The following LRMDA variants were observed in gnomAD, a reference collection of about 807,000 sequenced individuals.
LRMDA encodes the protein leucine rich melanocyte differentiation associated, also known as leucine-rich melanocyte differentiation-associated protein.
In LRMDA, 18 loss-of-function variants were observed where a neutral mutation model predicts 29.8. That is an observed-to-expected ratio of 0.60 (90% CI 0.42 to 0.90). The LOEUF (loss-of-function observed/expected upper bound fraction) is 0.90, where lower values mean the gene tolerates loss of function less well. LRMDA is among the 40% of genes least tolerant of loss of function. The probability of loss-of-function intolerance (pLI) is 0.00; values close to 1 mark genes in which losing one functional copy is unlikely to be tolerated. For synonymous variants in LRMDA, 125 were observed against 109.4 expected, an observed-to-expected ratio of 1.14 and a Z score of -0.89; for missense variants, 273 against 273.9, an observed-to-expected ratio of 1.00 and a Z score of 0.02.
intron 5 of LRMDA, among the ~76,000 whole-genome samples, chr10:76,314,109 C>T (rs996545178): frequency 2.0e-5 from 3 of 152,114 alleles, no homozygotes; most frequent in South Asian, 4.1e-4. Flanking sequence ...AAGGAATATA[C>T]TAATACCACA....
chr10:75,987,495 C>T (rs754344902), intron 2 of LRMDA, among the ~76,000 whole-genome samples: 3 of 152,172 alleles, frequency 2.0e-5, no homozygotes, highest in Non-Finnish European at 2.9e-5. Flanking sequence ...TAGTGTAAAC[C>T]ACCAGTTTAA....
chr10:76,061,650 A>C (rs1325014275), intron 5 of LRMDA, among the ~76,000 whole-genome samples: 1 of 152,186 alleles, frequency 6.6e-6, no homozygotes, highest in East Asian at 1.9e-4. Flanking sequence ...GAAATCACCT[A>C]GTCTGTGCTC....
At chr10:76,342,369 T>C (rs771585414) in intron 6 of LRMDA, among the ~76,000 whole-genome samples, 1 of 152,086 alleles carries the variant, frequency 6.6e-6, no homozygotes, top group Non-Finnish European at 1.5e-5. Context: ...AATGTATAGA[T>C]AGATTTAAGA....
chr10:75,700,510 A>T (rs1015185678), intron 2 of LRMDA, among the ~76,000 whole-genome samples: 2 of 147,852 alleles, frequency 1.4e-5, no homozygotes, highest in Admixed American at 1.4e-4. Flanking sequence ...ATCTTGGCTC[A>T]CTGCAAGCTC....
intron 2 of LRMDA, among the ~76,000 whole-genome samples, chr10:75,717,419 G>T (rs1300568285): frequency 6.6e-6 from 1 of 152,224 alleles, no homozygotes; most frequent in African/African-American, 2.4e-5. Context: ...GCAACAGAAG[G>T]CTTGAGCACA....
Position 76,186,486 on chromosome 10 carries a change from C to A in LRMDA, c.516+127703C>A, listed in dbSNP as rs150179358. Among the ~76,000 whole-genome samples the A allele has an allele frequency of 7.2e-4, 110 of 152,312 alleles. No individual in the cohort carries two copies. The South Asian group carries it at 7.3e-3, about 10-fold the overall frequency. On this transcript the variant is annotated intron_variant, in intron 5 of 6. Transcript: ENST00000611255. ...ATATAGAAGGAAGGCCTAAAAAATG[C>A]CCTGGTCCTCTTGAGCATTTTGAGC...
At chr10:76,397,914 A>T (rs1177916475) in intron 6 of LRMDA, among the ~76,000 whole-genome samples, 1 of 152,212 alleles carries the variant, frequency 6.6e-6, no homozygotes, top group East Asian at 1.9e-4. Context: ...ATTACCAAAA[A>T]ATATATTGCC....
chr10:76,504,236 C>T (rs1842938578), intron 6 of LRMDA, among the ~76,000 whole-genome samples: 1 of 151,738 alleles, frequency 6.6e-6, no homozygotes, highest in South Asian at 2.1e-4. Flanking sequence ...TTGAGACTTC[C>T]TTAATGATTG....
intron 2 of LRMDA, among the ~76,000 whole-genome samples, chr10:75,871,156 C>A (rs1414117372): frequency 1.3e-5 from 2 of 152,182 alleles, no homozygotes; most frequent in African/African-American, 4.8e-5. Context: ...AGTCAGGCTG[C>A]CACCTGACTC....
chr10:76,446,314 T>A (rs1468268232), intron 6 of LRMDA, among the ~76,000 whole-genome samples: 1 of 152,210 alleles, frequency 6.6e-6, no homozygotes, highest in African/African-American at 2.4e-5. Flanking sequence ...TTTTTGCTAT[T>A]GTGAGCAAAG....
intron 2 of LRMDA, among the ~76,000 whole-genome samples, chr10:75,706,296 A>G (rs1049814349): frequency 6.6e-6 from 1 of 151,998 alleles, no homozygotes; most frequent in African/African-American, 2.4e-5. Flanking sequence ...TATTGCATAT[A>G]CGTTTTCCAC....
chr10:76,413,436 G>A (rs572430772), intron 6 of LRMDA, among the ~76,000 whole-genome samples: 3 of 152,264 alleles, frequency 2.0e-5, no homozygotes, highest in Admixed American at 6.5e-5. Context: ...ATGGCAGCAA[G>A]CAAGAAAGAA....
chr10:76,521,046 G>A lies in LRMDA; in HGVS notation c.602-36163G>A, dbSNP rs1843113849. 1.3e-5 allele frequency among the ~76,000 whole-genome samples: 2 copies of A among 151,714 alleles called. 1 individual carries two copies. The highest frequency in any genetic ancestry group is 7.0e-3 in the Middle Eastern group (2 of 286). ...CAGTATTTCATATGAATACATAGTT[G>A]TAACTCTAGTGAACTTACAATTTCA... On this transcript the variant is annotated intron_variant, in intron 6 of 6. Coordinates refer to ENST00000611255, the MANE Select transcript of LRMDA (RefSeq NM_001305581.2).
chr10:76,254,379 C>CTATGA (rs1852549905), intron 5 of LRMDA, among the ~76,000 whole-genome samples: 3 of 151,332 alleles, frequency 2.0e-5, no homozygotes, highest in Non-Finnish European at 2.9e-5. Context: ...CTATGCTATG[C>CTATGA]TATGCTATGC....
chr10:75,880,776 T>C (rs1396215417), intron 2 of LRMDA, among the ~76,000 whole-genome samples: 7 of 152,306 alleles, frequency 4.6e-5, no homozygotes, highest in Middle Eastern at 3.4e-3. Context: ...AAAGGATCCA[T>C]GTTCTTCCTG....
At chr10:76,527,835 A>G (rs1037547686) in intron 6 of LRMDA, among the ~76,000 whole-genome samples, 34 of 152,192 alleles carry the variant, frequency 2.2e-4, no homozygotes, top group Admixed American at 2.2e-3. Context: ...GTACACTATT[A>G]TAAAGAATAA....
chr10:75,480,746 G>A (rs1233671929), intron 2 of LRMDA, among the ~76,000 whole-genome samples: 2 of 152,224 alleles, frequency 1.3e-5, no homozygotes, highest in African/African-American at 4.8e-5. Context: ...GAGAGAATGG[G>A]CTGCGGGTGC....
chr10:76,051,170 C>G (rs148366102), intron 4 of LRMDA, among the ~76,000 whole-genome samples: 1 of 152,230 alleles, frequency 6.6e-6, no homozygotes. Context: ...ATTTCCCAGA[C>G]GAATAGGAGC....
intron 2 of LRMDA, among the ~76,000 whole-genome samples, chr10:75,505,313 A>G (rs975063704): frequency 3.9e-5 from 6 of 152,120 alleles, no homozygotes; most frequent in African/African-American, 1.4e-4. Context: ...TAGCATGGTT[A>G]TAGCTGGCTC....
Sources: gnomAD v4.1 joint callset for allele counts (sites outside exome capture counted in the v4.1 genomes callset) on GRCh38, gnomAD v4.1.1 for gene constraint, MANE v1.5 for transcripts, NCBI Gene and HGNC (gene_info 2026-07-23, HGNC 2026-07-21) for gene names.